The following SLC4A4 variants were observed in gnomAD, a reference collection of about 807,000 sequenced individuals.
SLC4A4 encodes the protein solute carrier family 4 member 4.
In SLC4A4, 27 loss-of-function variants were observed where a neutral mutation model predicts 111.5. That is an observed-to-expected ratio of 0.24 (90% CI 0.18 to 0.33). The LOEUF (loss-of-function observed/expected upper bound fraction) is 0.33, where lower values mean the gene tolerates loss of function less well. Ranked by LOEUF, SLC4A4 falls within the 10% of genes least tolerant of loss-of-function variation. The probability of loss-of-function intolerance (pLI) is 1.00; values close to 1 mark genes in which losing one functional copy is unlikely to be tolerated. For synonymous variants in SLC4A4, 443 were observed against 463.4 expected, an observed-to-expected ratio of 0.96 and a Z score of 0.57; for missense variants, 909 against 1,315.5, an observed-to-expected ratio of 0.69 and a Z score of 4.78.
At chr4:71,092,956 G>C in intron 2 of SLC4A4, among the ~76,000 whole-genome samples, 1 of 151,940 alleles carries the variant, frequency 6.6e-6, no homozygotes, top group East Asian at 2.0e-4. Flanking sequence ...TTAGCTGGGC[G>C]TGGTGGCGTG....
intron 1 of SLC4A4, among the ~76,000 whole-genome samples, chr4:71,225,198 A>G (rs1718971780): frequency 6.6e-6 from 1 of 152,028 alleles, no homozygotes; most frequent in African/African-American, 2.4e-5. Context: ...CTAAAAATAC[A>G]CAAGTTAGCT....
chr4:71,388,533 T>TATTCATTCATTC (rs201599029), intron 6 of SLC4A4, among the ~76,000 whole-genome samples: 10 of 151,930 alleles, frequency 6.6e-5, no homozygotes, highest in South Asian at 6.3e-4. Flanking sequence ...TATTATATTA[T>TATTCATTCATTC]ATTCATTCAT....
intron 3 of SLC4A4, among the ~76,000 whole-genome samples, chr4:71,317,257 G>A (rs1265615294): frequency 6.6e-6 from 1 of 151,956 alleles, no homozygotes; most frequent in Non-Finnish European, 1.5e-5. Context: ...ATTTTCCAAA[G>A]CATTAACGTC....
intron 14 of SLC4A4, among the ~76,000 whole-genome samples, chr4:71,482,203 T>C (rs896317727): frequency 6.6e-6 from 1 of 151,692 alleles, no homozygotes; most frequent in Admixed American, 6.6e-5. Flanking sequence ...TTATGGACTC[T>C]AACATACCCT....
intron 7 of SLC4A4, among the ~76,000 whole-genome samples, chr4:71,421,656 C>T (rs552861756): frequency 3.0e-4 from 46 of 152,308 alleles, no homozygotes; most frequent in Middle Eastern, 3.4e-3. Flanking sequence ...ACAATGCAAT[C>T]AAACTAGAAC....
intron 18 of SLC4A4, among the ~76,000 whole-genome samples, chr4:71,536,548 G>C (rs1402073890): frequency 1.4e-5 from 2 of 143,932 alleles, no homozygotes; most frequent in Non-Finnish European, 3.0e-5. Context: ...CCAGGCTGGA[G>C]TGCAGTGGCT....
At chr4:71,163,071 A>G (rs1048248259) in intron 2 of SLC4A4, among the ~76,000 whole-genome samples, 3 of 152,228 alleles carry the variant, frequency 2.0e-5, no homozygotes, top group African/African-American at 4.8e-5. Flanking sequence ...GGTTGCACAA[A>G]CTGGCAAGAA....
At chr4:71,123,020 AAAGAT>A (rs755581927) in intron 2 of SLC4A4, among the ~76,000 whole-genome samples, 1 of 152,244 alleles carries the variant, frequency 6.6e-6, no homozygotes, top group Non-Finnish European at 1.5e-5. Flanking sequence ...GATAAAATGA[AAAGAT>A]AAAAGAGAAC....
chr4:71,544,927 A>G (rs1393991351), intron 18 of SLC4A4, among the ~76,000 whole-genome samples: 3 of 152,028 alleles, frequency 2.0e-5, no homozygotes, highest in Admixed American at 1.3e-4. Context: ...CTAAGTTGGC[A>G]GTCAATACTC....
chr4:71,165,512 A>T (rs573654308), intron 2 of SLC4A4, among the ~76,000 whole-genome samples: 32 of 152,242 alleles, frequency 2.1e-4, no homozygotes, highest in Non-Finnish European at 4.4e-4. Flanking sequence ...AAGAGAACAC[A>T]TGGACACAGG....
chr4:71,194,133 T>G (rs911586525), intron 1 of SLC4A4, among the ~76,000 whole-genome samples: 2 of 152,230 alleles, frequency 1.3e-5, no homozygotes, highest in Non-Finnish European at 2.9e-5. Flanking sequence ...ATTGAACATC[T>G]AGCTCTCTTA....
rs184891158 is a variant in SLC4A4 at position 71,299,359 on chromosome 4, A to G, written c.254-40011A>G. Among the ~76,000 whole-genome samples the G allele has an allele frequency of 2.6e-5, 4 of 152,316 alleles. No individual in the cohort carries two copies. The East Asian group carries it at 7.7e-4, about 29-fold the overall frequency. On this transcript the variant is annotated intron_variant, in intron 3 of 25. Coordinates refer to ENST00000264485, the MANE Select transcript of SLC4A4 (RefSeq NM_001098484.3). ...TGCTTATGTAATTGAAAAGACATTG[A>G]TTGAGCTACAGGTACCTGGTCAGAC... is the stretch of plus-strand genomic sequence containing the variant.
chr4:71,453,695 A>G (rs372833705), intron 12 of SLC4A4, 26 bp downstream of exon 12: 1 of 1,612,390 alleles, frequency 6.2e-7, no homozygotes, highest in Non-Finnish European at 8.5e-7. Context: ...AGGAGGACAC[A>G]AATAGTACAG....
chr4:71,461,304 A>G (rs568370253), intron 12 of SLC4A4, among the ~76,000 whole-genome samples: 21 of 152,036 alleles, frequency 1.4e-4, no homozygotes, highest in African/African-American at 5.1e-4. Flanking sequence ...AAAAATAGAA[A>G]ATTTTTTGTT....
In SLC4A4 at chr4:71,319,837, C is replaced by T. The variant is rs571020224; in HGVS notation, c.254-19533C>T. On this transcript the variant is annotated intron_variant, in intron 3 of 25. Coordinates refer to ENST00000264485, the MANE Select transcript of SLC4A4 (RefSeq NM_001098484.3). ...AGGGAGAAGGAGGGATTTGCTCTGT[C>T]AGAATTGAAGCTGAGCACCAGATTC... is the stretch of plus-strand genomic sequence containing the variant. 5.9e-5 allele frequency among the ~76,000 whole-genome samples: 9 copies of T among 152,026 alleles called. No individual in the cohort carries two copies. In the East Asian group the frequency reaches 1.7e-3, roughly 29 times the overall value.
intron 16 of SLC4A4, among the ~76,000 whole-genome samples, chr4:71,526,962 C>A (rs1185859009): frequency 6.6e-6 from 1 of 152,070 alleles, no homozygotes; most frequent in African/African-American, 2.4e-5. Flanking sequence ...TTTACAAGAA[C>A]CCCTGTGATT....
chr4:71,477,828 G>GT (rs535002710), intron 14 of SLC4A4, among the ~76,000 whole-genome samples: 2,899 of 151,716 alleles, frequency 0.019, 103 homozygotes, highest in African/African-American at 0.067. Context: ...CTGTTTCACT[G>GT]CTTTTTAAGA....
intron 1 of SLC4A4, among the ~76,000 whole-genome samples, chr4:71,214,918 A>C (rs1718335965): frequency 6.6e-6 from 1 of 152,230 alleles, no homozygotes. Context: ...TGCATTATGC[A>C]GCTTTATGCA....
Position 71,365,923 on chromosome 4 carries a change from C to T in SLC4A4, c.730+8736C>T, listed in dbSNP as rs56120733. Among the ~76,000 whole-genome samples the T allele has an allele frequency of 7.9e-3, 1,204 of 152,182 alleles. 16 individuals carry two copies. The highest frequency in any genetic ancestry group is 0.026 in the African/African-American group (1,065 of 41,522). ...CTTAATAATCATATGCTAATTCAAC[C>T]ACAAGGGGATGAGCTTCCTCAATCA... On this transcript the variant is annotated intron_variant, in intron 6 of 25. Transcript: ENST00000264485.
Sources: allele counts gnomAD v4.1 joint callset (sites outside exome capture counted in the v4.1 genomes callset), GRCh38; gene constraint gnomAD v4.1.1; transcripts MANE v1.5; gene names NCBI Gene and HGNC (gene_info 2026-07-23, HGNC 2026-07-21).